The following MYOF variants were observed in gnomAD, a reference collection of about 807,000 sequenced individuals.
The protein encoded by MYOF is myoferlin.
In MYOF, 244 loss-of-function variants were observed where a neutral mutation model predicts 284.2. The ratio of observed to expected loss-of-function variants is 0.86; its 90% confidence interval spans 0.77 to 0.95. MYOF has a LOEUF of 0.95. MYOF is among the 40% of genes least tolerant of loss of function. The pLI is 0.00. For synonymous variants in MYOF, 904 were observed against 919.7 expected, an observed-to-expected ratio of 0.98 and a Z score of 0.31; for missense variants, 2,496 against 2,560.6, an observed-to-expected ratio of 0.97 and a Z score of 0.54.
intron 3 of MYOF, among the ~76,000 whole-genome samples, chr10:93,441,753 G>A (rs1018461217): frequency 2.0e-5 from 3 of 151,556 alleles, no homozygotes; most frequent in Non-Finnish European, 4.4e-5. Flanking sequence ...TAGTAGAGAC[G>A]GGGGTTTGCC....
At chr10:93,432,537 C>T in intron 3 of MYOF, among the ~76,000 whole-genome samples, 1 of 152,098 alleles carries the variant, frequency 6.6e-6, no homozygotes, top group South Asian at 2.1e-4. Context: ...TAAATCTTTG[C>T]CCACTGTGAA....
chr10:93,399,488 A>G lies in MYOF; in HGVS notation c.1125T>C (p.Asp375=). The change falls in exon 13 of 54, where the codon GAT becomes GAC. Residue 375 remains aspartate (D), a synonymous_variant. Transcript: ENST00000359263. ...YRAEDIPQMD[D]AFSQTVKEIF... The stretch of plus-strand genomic sequence containing the variant: ...TTTCCTTTACTGTCTGTGAGAAGGC[A>G]TCATCCACTGGAAGGTAATAGTTAT... The G allele has an allele frequency of 2.5e-6, 4 of 1,610,002 alleles. No homozygotes were observed. The highest frequency in any genetic ancestry group is 2.7e-5 in the African/African-American group (2 of 74,958).
intron 5 of MYOF, among the ~76,000 whole-genome samples, chr10:93,419,465 A>C (rs1288531712): frequency 1.3e-5 from 2 of 152,054 alleles, no homozygotes; most frequent in Non-Finnish European, 2.9e-5. Flanking sequence ...GCCCGGCCCC[A>C]AAATGCCCTT....
Position 93,364,008 on chromosome 10 carries a change from A to G in MYOF, c.2821T>C (p.Tyr941His). The G allele has an allele frequency of 1.2e-6, 2 of 1,614,148 alleles. No homozygotes were observed. Among genetic ancestry groups the G allele is most frequent in the South Asian group, 1.1e-5 (1 of 91,076 alleles). The change falls in exon 27 of 54, where the codon TAC becomes CAC. Residue 941 changes from tyrosine (Y) to histidine (H), a missense_variant. This residue lies in a region of MYOF where 2,436 missense variants were observed against 2,480.7 expected (regional missense o/e 0.98). Transcript: ENST00000359263. ...TDEVYQNESR[Y>H]PGGDWKPAED... ...GCCGGCTTCCAGTCGCCCCCGGGGT[A>G]GCGGCTCTCGTTCTGATAGACTTCA...
In MYOF at chr10:93,309,907, C is replaced by T. The variant is rs1025320871; in HGVS notation, c.6147+113G>A. ...CCCCAAAGCAGAAGGGTTACAACCC[C>T]ATGCTGCTGAGCGGGTCATTCTTCT... On this transcript the variant is annotated intron_variant, in intron 53 of 53. Coordinates refer to ENST00000359263, the MANE Select transcript of MYOF (RefSeq NM_013451.4). The T allele has an allele frequency of 6.8e-6, 9 of 1,318,340 alleles. No individual in the cohort carries two copies. The African/African-American group carries it at 1.3e-4, about 19-fold the overall frequency. 81.7% of individuals were successfully genotyped at this position (1,318,340 alleles called of 1,614,324 possible).
chr10:93,389,169 T>A lies in MYOF; in HGVS notation c.1457-15A>T. Reference sequence around the variant, plus strand: ...TCCTGTGTTTACTGAGAGAGAAACATCATCATGAGGTGTTAGGCTTTTAAC... The same window carrying A: ...TCCTGTGTTTACTGAGAGAGAAACAACATCATGAGGTGTTAGGCTTTTAAC... On this transcript the variant is annotated splice_polypyrimidine_tract_variant and intron_variant, in intron 17 of 53. Coordinates refer to ENST00000359263, the MANE Select transcript of MYOF (RefSeq NM_013451.4). 6.2e-7 allele frequency: 1 copy of A among 1,612,166 alleles called. No homozygotes were observed.
At chr10:93,458,322 C>T (rs897541436) in intron 1 of MYOF, among the ~76,000 whole-genome samples, 3 of 152,052 alleles carry the variant, frequency 2.0e-5, no homozygotes, top group Non-Finnish European at 2.9e-5. Context: ...CACTGCACTC[C>T]AGCCTGGGAA....
chr10:93,381,126 G>T, intron 20 of MYOF, 93 bp downstream of exon 20: 2 of 1,353,224 alleles, frequency 1.5e-6, no homozygotes, highest in Non-Finnish European at 2.1e-6. Flanking sequence ...AGGCTGCGTA[G>T]AACAGTGCCA....
chr10:93,464,856 A>C (rs1334344785), intron 1 of MYOF, among the ~76,000 whole-genome samples: 1 of 152,184 alleles, frequency 6.6e-6, no homozygotes, highest in Non-Finnish European at 1.5e-5. Flanking sequence ...TTCAGCCAAG[A>C]GTCTACATTT....
At position 93,387,782 on chromosome 10, in the gene MYOF, C is replaced by G. The variant is rs974235274; in HGVS notation, c.1698+15G>C. On this transcript the variant is annotated intron_variant, in intron 19 of 53. Transcript: ENST00000359263. ...CCTTTTCTATACCATGCATTACTCACACTTTAACATTTACCTCAACAACCA... is the reference window on the plus strand; with the variant it reads ...CCTTTTCTATACCATGCATTACTCAGACTTTAACATTTACCTCAACAACCA... 22 of 1,605,606 alleles carry G rather than the reference C, an allele frequency of 1.4e-5. No homozygotes were observed. Among genetic ancestry groups the G allele is most frequent in the Non-Finnish European group, 1.9e-5 (22 of 1,172,230 alleles).
chr10:93,391,867 A>T (rs1161908011), intron 17 of MYOF, among the ~76,000 whole-genome samples: 1 of 152,166 alleles, frequency 6.6e-6, no homozygotes, highest in African/African-American at 2.4e-5. Context: ...GATTCCTACA[A>T]ATAATTACTG....
rs1178699448 is a variant in MYOF at position 93,307,113 on chromosome 10, T to C, written c.6148-112A>G. On this transcript the variant is annotated intron_variant, in intron 53 of 53. Coordinates refer to ENST00000359263, the MANE Select transcript of MYOF (RefSeq NM_013451.4). ...ACATTTTGAACCAGATGATTCTTTC[T>C]TGTTGGGGAGTGTCCTGTGCATTGT... is the stretch of plus-strand genomic sequence containing the variant. 5.0e-6 allele frequency: 5 copies of C among 1,003,744 alleles called. No individual in the cohort carries two copies. The Admixed American group carries it at 6.4e-5, about 13-fold the overall frequency. The allele number at this position is 1,003,744 out of a possible 1,614,324, so 62.2% of individuals were successfully genotyped here.
At chr10:93,382,082 AATATTCATAAAGGC>A (rs1366673360) in intron 19 of MYOF, among the ~76,000 whole-genome samples, 3 of 152,316 alleles carry the variant, frequency 2.0e-5, no homozygotes, top group Admixed American at 6.5e-5. Flanking sequence ...TAGATATTTT[AATATTCATAAAGGC>A]ATATTCATAA....
chr10:93,400,547 G>A (rs1431316533), intron 12 of MYOF, among the ~76,000 whole-genome samples: 3 of 151,916 alleles, frequency 2.0e-5, no homozygotes, highest in African/African-American at 7.2e-5. Flanking sequence ...TCTTAAAAGA[G>A]GAAAAGGATT....
intron 51 of MYOF, among the ~76,000 whole-genome samples, chr10:93,312,579 C>T (rs957275856): frequency 1.3e-5 from 2 of 151,416 alleles, no homozygotes; most frequent in South Asian, 2.1e-4. Flanking sequence ...AGGCTGGTCT[C>T]GAACTCCTGA....
intron 26 of MYOF, among the ~76,000 whole-genome samples, chr10:93,365,595 T>C (rs1454074192): frequency 6.6e-6 from 1 of 152,216 alleles, no homozygotes; most frequent in Non-Finnish European, 1.5e-5. Flanking sequence ...GCAATGTGCC[T>C]TTGGACAAGT....
intron 24 of MYOF, 37 bp downstream of exon 24, chr10:93,372,893 T>G (rs202229132): frequency 3.1e-6 from 5 of 1,611,412 alleles, no homozygotes; most frequent in Non-Finnish European, 3.4e-6. Flanking sequence ...AGCTTTTGCA[T>G]TTAGTGTGTT....
At chr10:93,481,914 G>C (rs2057386980) in intron 1 of MYOF, among the ~76,000 whole-genome samples, 193 bp downstream of exon 1, 1 of 152,128 alleles carries the variant, frequency 6.6e-6, no homozygotes, top group South Asian at 2.1e-4. Context: ...GTCATTCCAT[G>C]AGTCTCAAGC....
chr10:93,447,702 C>T lies in MYOF; in HGVS notation c.236+4348G>A, dbSNP rs146762579. Among the ~76,000 whole-genome samples the T allele has an allele frequency of 7.2e-5, 11 of 152,244 alleles. No homozygotes were observed. In the East Asian group the frequency reaches 1.9e-3, roughly 27 times the overall value. On this transcript the variant is annotated intron_variant, in intron 3 of 53. Transcript: ENST00000359263. ...CTCCTGAATTAGTCTCAAAGTGTGA[C>T]GTTTCTCTATAACTCACTTGGTTAC...
Sources: gnomAD v4.1 joint callset for allele counts (sites outside exome capture counted in the v4.1 genomes callset) on GRCh38, gnomAD v4.1.1 for gene constraint, gnomAD v4.1.1 regional missense constraint, MANE v1.5 for transcripts, NCBI Gene and HGNC (gene_info 2026-07-23, HGNC 2026-07-21) for gene names.